The following EEIG2 variants were observed in gnomAD, a reference collection of about 807,000 sequenced individuals.
EEIG2 encodes family with sequence similarity 102 member B.
chr1:108,584,298 C>A, the EEIG2 span, among the ~76,000 whole-genome samples: 2 of 152,122 alleles, frequency 1.3e-5, no homozygotes, highest in Non-Finnish European at 2.9e-5. Flanking sequence ...AAAACAAACT[C>A]ATGATTGAGA....
chr1:108,629,678 C>T, the EEIG2 span: 1 of 1,571,786 alleles, frequency 6.4e-7, no homozygotes, highest in Non-Finnish European at 8.7e-7. Flanking sequence ...CAAATAGTGT[C>T]TTATTAAAAT....
At chr1:108,628,505 G>A in the EEIG2 span, 1 of 1,614,126 alleles carries the variant, frequency 6.2e-7, no homozygotes, top group Non-Finnish European at 8.5e-7. Flanking sequence ...AGAGCCATGT[G>A]ATGAAATTGA....
the EEIG2 span, among the ~76,000 whole-genome samples, chr1:108,590,548 G>A: frequency 6.6e-6 from 1 of 152,188 alleles, no homozygotes; most frequent in African/African-American, 2.4e-5. Context: ...ATTCCCATGA[G>A]TTGTAGGTAT....
At chr1:108,624,527 C>G in the EEIG2 span, 16 of 647,796 alleles carry the variant, frequency 2.5e-5, no homozygotes, top group African/African-American at 2.9e-4. Flanking sequence ...TACTTTCACT[C>G]TCAAAGGGGT....
chr1:108,609,835 T>A, the EEIG2 span, among the ~76,000 whole-genome samples: 2 of 151,562 alleles, frequency 1.3e-5, no homozygotes, highest in South Asian at 4.2e-4. Context: ...TTCTCACTTA[T>A]AAGTGCAAGC....
the EEIG2 span, among the ~76,000 whole-genome samples, chr1:108,612,711 G>T: frequency 1.3e-5 from 2 of 152,210 alleles, no homozygotes; most frequent in African/African-American, 2.4e-5. Context: ...CCACTTCTGG[G>T]CATCTGCCCG....
the EEIG2 span, among the ~76,000 whole-genome samples, chr1:108,575,240 G>A: frequency 8.0e-4 from 122 of 152,280 alleles, 1 homozygote; most frequent in African/African-American, 2.8e-3. Flanking sequence ...GAGTCAAAAT[G>A]TCTGACATTC....
the EEIG2 span, among the ~76,000 whole-genome samples, chr1:108,566,056 A>G: frequency 6.6e-6 from 1 of 152,154 alleles, no homozygotes; most frequent in Non-Finnish European, 1.5e-5. Context: ...TTTTTAAGCC[A>G]AAATGAGATT....
the EEIG2 span, among the ~76,000 whole-genome samples, chr1:108,609,653 C>T: frequency 2.0e-5 from 3 of 151,948 alleles, no homozygotes; most frequent in African/African-American, 4.8e-5. Flanking sequence ...AGAGTAAATG[C>T]GGAGGAGGAG....
At chr1:108,577,681 A>T in the EEIG2 span, among the ~76,000 whole-genome samples, 153 of 83,818 alleles carry the variant, frequency 1.8e-3, 2 homozygotes, top group African/African-American at 5.1e-3. Flanking sequence ...TACCAGTACC[A>T]TGCTGTTTTG....
chr1:108,635,701 AAAC>A, the EEIG2 span: 1 of 152,430 alleles, frequency 6.6e-6, no homozygotes, highest in African/African-American at 2.4e-5. Context: ...ACTACAATTT[AAAC>A]ATGTGATGTG....
the EEIG2 span, among the ~76,000 whole-genome samples, chr1:108,576,461 C>A: frequency 7.9e-6 from 1 of 126,174 alleles, no homozygotes; most frequent in African/African-American, 3.0e-5. Flanking sequence ...CCCACCCCAC[C>A]ACAGTCCCCA....
At chr1:108,567,500 C>T in the EEIG2 span, among the ~76,000 whole-genome samples, 1 of 152,226 alleles carries the variant, frequency 6.6e-6, no homozygotes, top group Non-Finnish European at 1.5e-5. Context: ...CACTGTTAAT[C>T]ACTAAATTCT....
chr1:108,634,637 G>A, the EEIG2 span, among the ~76,000 whole-genome samples: 7 of 152,140 alleles, frequency 4.6e-5, no homozygotes, highest in Admixed American at 2.0e-4. Flanking sequence ...TGGTTGCAGT[G>A]AGCTTCAGTC....
the EEIG2 span, among the ~76,000 whole-genome samples, chr1:108,566,765 G>T: frequency 4.6e-5 from 7 of 152,054 alleles, no homozygotes; most frequent in East Asian, 1.2e-3. Context: ...TGTTTAAAAT[G>T]AAATAAGCCA....
At chr1:108,573,441 C>G in the EEIG2 span, among the ~76,000 whole-genome samples, 1 of 152,166 alleles carries the variant, frequency 6.6e-6, no homozygotes, top group African/African-American at 2.4e-5. Context: ...AACTACAGTA[C>G]CTCATATAGC....
the EEIG2 span, chr1:108,636,140 G>T: frequency 2.0e-5 from 3 of 152,186 alleles, no homozygotes; most frequent in Admixed American, 1.3e-4. Context: ...GCTCTCTGTA[G>T]GTACTGTTTT....
the EEIG2 span, among the ~76,000 whole-genome samples, chr1:108,616,129 T>C: frequency 6.6e-6 from 1 of 151,208 alleles, no homozygotes; most frequent in African/African-American, 2.4e-5. Context: ...TTCTTCTTTT[T>C]TTTTTTTTTT....
At chr1:108,602,409 C>T in the EEIG2 span, among the ~76,000 whole-genome samples, 3 of 152,180 alleles carry the variant, frequency 2.0e-5, no homozygotes, top group Non-Finnish European at 1.5e-5. Flanking sequence ...CCAGCAGCCT[C>T]AGGCATTCCT....
Sources: gnomAD v4.1 joint callset for allele counts (sites outside exome capture counted in the v4.1 genomes callset) on GRCh38, gnomAD v4.1.1 for gene constraint, MANE v1.5 for transcripts, NCBI Gene and HGNC (gene_info 2026-07-23, HGNC 2026-07-21) for gene names.